SORCS1: variants seen among roughly 807,000 people sequenced by gnomAD.
SORCS1 encodes sortilin related VPS10 domain containing receptor 1, also known as VPS10 domain-containing receptor SorCS1.
A neutral mutation model predicts 146.1 loss-of-function variants in SORCS1; 60 were observed. The observed-to-expected ratio is 0.41, with a 90% CI of 0.33 to 0.51. The LOEUF (loss-of-function observed/expected upper bound fraction) is 0.51, where lower values mean the gene tolerates loss of function less well. SORCS1 is among the 20% of genes least tolerant of loss of function. The pLI is 0.21. For missense variants in SORCS1, 1,352 were observed against 1,487.6 expected (o/e 0.91, Z 1.50); for synonymous variants, 637 against 584.0 (o/e 1.09, Z -1.31).
chr10:106,800,089 A>G (rs1426124019), intron 3 of SORCS1, among the ~76,000 whole-genome samples: 4 of 152,148 alleles, frequency 2.6e-5, no homozygotes, highest in Non-Finnish European at 5.9e-5. Context: ...CTATTTTTCT[A>G]CAACTTAGAC....
chr10:107,068,467 T>C (rs1173320680), intron 1 of SORCS1, among the ~76,000 whole-genome samples: 2 of 152,172 alleles, frequency 1.3e-5, no homozygotes, highest in Non-Finnish European at 2.9e-5. Context: ...TGGTTAGTCT[T>C]TTTCTGAAGG....
chr10:107,178,241 C>T, the SORCS1 span, among the ~76,000 whole-genome samples: 1 of 152,096 alleles, frequency 6.6e-6, no homozygotes, highest in African/African-American at 2.4e-5. Flanking sequence ...GTAGAACTTA[C>T]TCCTGTGTAG....
intron 24 of SORCS1, among the ~76,000 whole-genome samples, chr10:106,596,781 G>C (rs1345078827): frequency 6.6e-6 from 1 of 152,148 alleles, no homozygotes; most frequent in African/African-American, 2.4e-5. Context: ...GTTATTTTCA[G>C]GATTTCTGAT....
intron 1 of SORCS1, among the ~76,000 whole-genome samples, chr10:106,959,728 G>A (rs1955133409): frequency 6.6e-6 from 1 of 152,180 alleles, no homozygotes; most frequent in Non-Finnish European, 1.5e-5. Context: ...GCTCAGTCTG[G>A]TCTCAACTTC....
At chr10:106,997,593 A>C (rs73371918) in intron 1 of SORCS1, among the ~76,000 whole-genome samples, 10 of 152,166 alleles carry the variant, frequency 6.6e-5, no homozygotes, top group African/African-American at 2.4e-4. Context: ...AAACAAGACC[A>C]GACAGAGTTT....
intron 1 of SORCS1, among the ~76,000 whole-genome samples, chr10:107,163,690 C>T (rs1969876553): frequency 6.6e-6 from 1 of 152,036 alleles, no homozygotes; most frequent in Admixed American, 6.6e-5. Context: ...TCTTCAGTTC[C>T]ACACACCAAT....
rs138284628 is a variant in SORCS1, at chr10:107,040,765, G to A, written c.559-84185C>T. On this transcript the variant is annotated intron_variant, in intron 1 of 25. Transcript: ENST00000263054. ...CTGGCAGAGTAGCCAAAAGGATTTGGTAGCAGCAGCAGCATCATTAGCACT... is the reference window on the plus strand; with the variant it reads ...CTGGCAGAGTAGCCAAAAGGATTTGATAGCAGCAGCAGCATCATTAGCACT... 1.6e-4 allele frequency among the ~76,000 whole-genome samples: 24 copies of A among 152,264 alleles called. No homozygotes were observed. The East Asian group carries it at 4.6e-3, about 29-fold the overall frequency.
chr10:107,091,754 G>T (rs1311829140), intron 1 of SORCS1, among the ~76,000 whole-genome samples: 1 of 152,054 alleles, frequency 6.6e-6, no homozygotes, highest in South Asian at 2.1e-4. Flanking sequence ...GCTGGACTTT[G>T]GTCCTTCAAA....
intron 3 of SORCS1, among the ~76,000 whole-genome samples, chr10:106,795,037 C>T (rs528925629): frequency 9.2e-5 from 14 of 152,308 alleles, no homozygotes; most frequent in African/African-American, 2.9e-4. Flanking sequence ...GCTAACAATA[C>T]ACAATTCACA....
the SORCS1 span, among the ~76,000 whole-genome samples, chr10:107,169,944 G>A: frequency 6.6e-6 from 1 of 152,052 alleles, no homozygotes; most frequent in Non-Finnish European, 1.5e-5. Context: ...AGAGAAGCAT[G>A]AAATAATATC....
chr10:106,696,289 T>TA (rs1366753296), intron 9 of SORCS1, among the ~76,000 whole-genome samples: 3 of 152,232 alleles, frequency 2.0e-5, no homozygotes, highest in Non-Finnish European at 4.4e-5. Flanking sequence ...ACTTCTCATT[T>TA]ATCTCTAAAC....
At chr10:106,702,694 A>G (rs1395632277) in intron 8 of SORCS1, among the ~76,000 whole-genome samples, 1 of 152,248 alleles carries the variant, frequency 6.6e-6, no homozygotes, top group East Asian at 1.9e-4. Flanking sequence ...AGTTTAATTG[A>G]AAAGTTTAAA....
intron 2 of SORCS1, among the ~76,000 whole-genome samples, chr10:106,951,168 G>A (rs1487917093): frequency 6.6e-6 from 1 of 152,086 alleles, no homozygotes; most frequent in Non-Finnish European, 1.5e-5. Flanking sequence ...ATACATGCAA[G>A]TGTATTTCCC....
chr10:106,673,133 G>T (rs1268753265), intron 14 of SORCS1, 148 bp from the exon 15 acceptor site: 26 of 538,176 alleles, frequency 4.8e-5, no homozygotes, highest in South Asian at 4.8e-5. Flanking sequence ...CATGAAGAGG[G>T]TACTTTTTTT....
intron 1 of SORCS1, among the ~76,000 whole-genome samples, chr10:107,038,320 G>A (rs1958993375): frequency 6.9e-6 from 1 of 144,424 alleles, no homozygotes; most frequent in Admixed American, 7.4e-5. Flanking sequence ...AGAAGCAGCT[G>A]AGAAGGAAAA....
intron 1 of SORCS1, among the ~76,000 whole-genome samples, chr10:106,958,478 G>A (rs1364900436): frequency 6.6e-6 from 1 of 152,158 alleles, no homozygotes; most frequent in African/African-American, 2.4e-5. Context: ...GAAGGCACAA[G>A]CATCAGTGAA....
intron 8 of SORCS1, among the ~76,000 whole-genome samples, chr10:106,704,730 C>T (rs1349719548): frequency 6.6e-6 from 1 of 152,072 alleles, no homozygotes; most frequent in Non-Finnish European, 1.5e-5. Context: ...AAACAAAAAA[C>T]AGTTTATTCC....
intron 2 of SORCS1, among the ~76,000 whole-genome samples, chr10:106,884,304 C>T (rs1357094036): frequency 1.3e-5 from 2 of 152,192 alleles, no homozygotes; most frequent in South Asian, 2.1e-4. Context: ...AAATAGAGTG[C>T]TGAGATAACG....
intron 2 of SORCS1, among the ~76,000 whole-genome samples, chr10:106,890,369 T>C (rs1282424098): frequency 1.3e-5 from 2 of 152,126 alleles, no homozygotes; most frequent in Non-Finnish European, 2.9e-5. Context: ...GATTAAGGAA[T>C]GTGATAAGAC....
Sources: gnomAD v4.1 joint callset for allele counts (sites outside exome capture counted in the v4.1 genomes callset) on GRCh38, gnomAD v4.1.1 for gene constraint, MANE v1.5 for transcripts, NCBI Gene and HGNC (gene_info 2026-07-23, HGNC 2026-07-21) for gene names.